Variants in EMILIN2 observed in about 807,000 individuals in gnomAD.
EMILIN2 encodes elastin microfibril interfacer 2, also known as EMILIN-2.
A neutral mutation model predicts 87.1 loss-of-function variants in EMILIN2; 71 were observed. The observed-to-expected ratio is 0.82, with a 90% CI of 0.67 to 0.99. The LOEUF (loss-of-function observed/expected upper bound fraction) is 0.99. EMILIN2 is among the 50% of genes least tolerant of loss of function. EMILIN2 has a pLI of 0.00. For missense variants in EMILIN2, 1,407 were observed against 1,371.8 expected (o/e 1.03, Z -0.40); for synonymous variants, 581 against 563.4 (o/e 1.03, Z -0.44).
chr18:2,909,157 G>A (rs1191232227), intron 6 of EMILIN2, among the ~76,000 whole-genome samples, 182 bp downstream of exon 6: 1 of 152,166 alleles, frequency 6.6e-6, no homozygotes, highest in African/African-American at 2.4e-5. Context: ...AATTCCCCAA[G>A]GTTTGCTCCC....
chr18:2,887,878 C>T (rs2076810773), intron 3 of EMILIN2, among the ~76,000 whole-genome samples: 1 of 152,098 alleles, frequency 6.6e-6, no homozygotes, highest in Admixed American at 6.6e-5. Flanking sequence ...GATTACTGCT[C>T]ACAACCTTGG....
chr18:2,868,694 G>T (rs1185789393), intron 2 of EMILIN2, among the ~76,000 whole-genome samples: 1 of 152,260 alleles, frequency 6.6e-6, no homozygotes, highest in Non-Finnish European at 1.5e-5. Flanking sequence ...CACTCGGCAG[G>T]CTGAGGCAGG....
At chr18:2,865,846 G>A (rs960578472) in intron 2 of EMILIN2, among the ~76,000 whole-genome samples, 25 of 152,188 alleles carry the variant, frequency 1.6e-4, no homozygotes, top group African/African-American at 5.6e-4. Context: ...CTTGAGCTAC[G>A]GTGGGCTCCA....
In EMILIN2 at chr18:2,892,489, A is replaced by G. The variant is rs1230129440; in HGVS notation, c.2359+3A>G. 6.3e-7 allele frequency: 1 copy of G among 1,582,626 alleles called. No individual in the cohort carries two copies. The highest frequency in any genetic ancestry group is 1.1e-5 in the South Asian group (1 of 89,834). ...GGTCAAATTTCAGCCATCAGCAAGT[A>G]AGTTGAATATTACAATTCTATTTCT... On this transcript the variant is annotated splice_donor_region_variant and intron_variant, in intron 4 of 7. Transcript: ENST00000254528.
At chr18:2,892,843 G>T (rs1160742725) in intron 4 of EMILIN2, among the ~76,000 whole-genome samples, 2 of 149,306 alleles carry the variant, frequency 1.3e-5, no homozygotes, top group Admixed American at 6.7e-5. Flanking sequence ...CCTGAGGTCA[G>T]GCATTCGAGA....
chr18:2,892,082 C>G lies in EMILIN2; in HGVS notation c.1955C>G (p.Thr652Arg). 6.2e-7 allele frequency: 1 copy of G among 1,614,116 alleles called. No homozygotes were observed. The highest frequency in any genetic ancestry group is 8.5e-7 in the Non-Finnish European group (1 of 1,179,970). The change falls in exon 4 of 8, where the codon ACA becomes AGA. Residue 652 changes from threonine to arginine, a missense_variant. Coordinates refer to ENST00000254528, the MANE Select transcript of EMILIN2 (RefSeq NM_032048.3). The part of the protein sequence containing the change: ...RFTKVGEQER[T>R]VDTLPSPQHP... ...ACTAAGGTGGGTGAGCAAGAAAGGA[C>G]AGTGGACACCCTGCCGTCCCCCCAG...
intron 4 of EMILIN2, chr18:2,906,335 G>A (rs992855080): frequency 1.9e-5 from 3 of 154,294 alleles, no homozygotes; most frequent in South Asian, 2.1e-4. Context: ...CAGCCCTGGG[G>A]CCCCCCGGCA....
chr18:2,859,699 T>A (rs1460265673), intron 2 of EMILIN2, among the ~76,000 whole-genome samples: 3 of 152,236 alleles, frequency 2.0e-5, no homozygotes. Context: ...TTTTATAGTT[T>A]CAGGTCCTAG....
At chr18:2,904,006 G>A (rs777652255) in intron 4 of EMILIN2, among the ~76,000 whole-genome samples, 7 of 152,176 alleles carry the variant, frequency 4.6e-5, no homozygotes, top group Non-Finnish European at 8.8e-5. Context: ...AAGAAAGGGT[G>A]CGTGAGAGAT....
rs567837267 is a variant in EMILIN2 at position 2,847,147 on chromosome 18, G to T, written c.-42G>T. The T allele has an allele frequency of 1.2e-5, 13 of 1,061,484 alleles. No homozygotes were observed. In the African/African-American group the frequency reaches 1.9e-4, roughly 15 times the overall value. 65.8% of individuals were successfully genotyped at this position (1,061,484 alleles called of 1,614,324 possible). A position where few individuals can be genotyped will look rare whatever the true frequency, so the allele number is the denominator to read the frequency against. ...TGTGGCCGGTGCCCCGATCCGCCGC[G>T]CTCCGGACCCGGGCAGGCGGGGCGC... is the stretch of plus-strand genomic sequence containing the variant. On this transcript the variant is annotated 5_prime_UTR_variant, in exon 1 of 8. Transcript: ENST00000254528. This position sits in a 1 kb window ranked among gnomAD's most constrained non-coding sequence, Gnocchi z 4.5.
intron 2 of EMILIN2, among the ~76,000 whole-genome samples, chr18:2,853,240 A>G (rs2076610085): frequency 6.6e-6 from 1 of 152,090 alleles, no homozygotes; most frequent in African/African-American, 2.4e-5. Context: ...ATTTCATTGT[A>G]TTGGGGAATT....
intron 4 of EMILIN2, among the ~76,000 whole-genome samples, chr18:2,902,153 C>T (rs1429990395): frequency 1.3e-5 from 2 of 152,048 alleles, no homozygotes; most frequent in Non-Finnish European, 2.9e-5. Context: ...TGTTAGGACC[C>T]CAGAATGGCA....
chr18:2,849,051 T>C (rs1450490879), intron 2 of EMILIN2, among the ~76,000 whole-genome samples: 1 of 152,196 alleles, frequency 6.6e-6, no homozygotes, highest in African/African-American at 2.4e-5. Flanking sequence ...GAGGTCCCCA[T>C]TTCCTAATAT....
At chr18:2,895,467 G>T (rs1464768221) in intron 4 of EMILIN2, among the ~76,000 whole-genome samples, 1 of 152,176 alleles carries the variant, frequency 6.6e-6, no homozygotes, top group Non-Finnish European at 1.5e-5. Flanking sequence ...CAACAAAGAT[G>T]TATTAGTTTC....
upstream of EMILIN2, chr18:2,846,711 C>T (rs543214751): frequency 3.1e-6 from 3 of 977,080 alleles, no homozygotes; most frequent in East Asian, 2.3e-4. The surrounding 1 kb of genome is among the most constrained non-coding windows in gnomAD (Gnocchi z 5.3). Flanking sequence ...ACGGCGGCCG[C>T]GTCCCGGGGG....
At chr18:2,910,612 C>T (rs1472209355) in intron 7 of EMILIN2, among the ~76,000 whole-genome samples, 1 of 152,134 alleles carries the variant, frequency 6.6e-6, no homozygotes, top group African/African-American at 2.4e-5. Flanking sequence ...CACTGTTCTG[C>T]TCACGCACTG....
At chr18:2,911,455 A>G (rs1287766275) in intron 7 of EMILIN2, among the ~76,000 whole-genome samples, 1 of 152,080 alleles carries the variant, frequency 6.6e-6, no homozygotes, top group Admixed American at 6.5e-5. Context: ...AACTCCGGAG[A>G]TCTTATCTGG....
intron 3 of EMILIN2, among the ~76,000 whole-genome samples, chr18:2,889,133 C>CTTTTTTTTTTTTT (rs772439545): frequency 1.5e-3 from 127 of 84,266 alleles, no homozygotes; most frequent in Admixed American, 2.1e-3. Context: ...TCTTTCTTTT[C>CTTTTTTTTTTTTT]TTTTTTTTTT....
At chr18:2,864,831 C>A (rs1315752965) in intron 2 of EMILIN2, among the ~76,000 whole-genome samples, 1 of 152,068 alleles carries the variant, frequency 6.6e-6, no homozygotes, top group African/African-American at 2.4e-5. Flanking sequence ...TGGTTCCATT[C>A]TCCCCGTCAC....
Sources: gnomAD v4.1 joint callset for allele counts (sites outside exome capture counted in the v4.1 genomes callset) on GRCh38, gnomAD v4.1.1 for gene constraint, Gnocchi (gnomAD v3.1) non-coding constraint, MANE v1.5 for transcripts, NCBI Gene and HGNC (gene_info 2026-07-23, HGNC 2026-07-21) for gene names.